Variants in DLGAP2 observed in about 807,000 individuals in gnomAD.
DLGAP2 encodes the protein DLG associated protein 2, also known as disks large-associated protein 2.
A neutral mutation model predicts 100.3 loss-of-function variants in DLGAP2; 26 were observed. The ratio of observed to expected loss-of-function variants is 0.26; its 90% CI spans 0.19 to 0.36. DLGAP2 has a LOEUF of 0.36. DLGAP2 is among the 10% of genes least tolerant of loss of function. The pLI, the probability that DLGAP2 is intolerant of heterozygous loss-of-function variation, is 1.00. For missense variants in DLGAP2, 1,858 were observed against 1,453.2 expected, an observed-to-expected ratio of 1.28 and a Z score of -4.53; for synonymous variants, 886 against 630.1, an observed-to-expected ratio of 1.41 and a Z score of -6.08.
intron 1 of DLGAP2, among the ~76,000 whole-genome samples, chr8:886,341 T>C (rs1797921629): frequency 6.6e-6 from 1 of 152,330 alleles, no homozygotes; most frequent in South Asian, 2.1e-4. Flanking sequence ...ATTTGTTGAT[T>C]TTTTTCGGAC....
chr8:1,551,685 C>G (rs1168573555), intron 5 of DLGAP2, among the ~76,000 whole-genome samples: 3 of 152,078 alleles, frequency 2.0e-5, no homozygotes, highest in African/African-American at 7.2e-5. Flanking sequence ...TGACCTCATT[C>G]CATCTGCACT....
chr8:1,517,002 C>T (rs1052269860), intron 4 of DLGAP2, among the ~76,000 whole-genome samples: 1 of 152,136 alleles, frequency 6.6e-6, no homozygotes, highest in Non-Finnish European at 1.5e-5. Flanking sequence ...CCAACAGCCC[C>T]AGGGTGCAGA....
At chr8:1,545,368 GC>G (rs1801498552) in intron 4 of DLGAP2, among the ~76,000 whole-genome samples, 2 of 152,100 alleles carry the variant, frequency 1.3e-5, no homozygotes, top group Admixed American at 1.3e-4. Flanking sequence ...TAGGCCGGCC[GC>G]CCCATAAGTG....
intron 5 of DLGAP2, among the ~76,000 whole-genome samples, chr8:1,563,714 A>G (rs910858924): frequency 1.3e-5 from 2 of 152,044 alleles, no homozygotes; most frequent in Admixed American, 6.5e-5. Context: ...CTGGGCTGCA[A>G]TGTGGAAGAT....
chr8:781,911 A>C (rs1178803150), intron 1 of DLGAP2, among the ~76,000 whole-genome samples: 1 of 152,196 alleles, frequency 6.6e-6, no homozygotes, highest in East Asian at 1.9e-4. Context: ...GGATAATACC[A>C]CTGCTATTCA....
At position 1,548,619 on chromosome 8, in the gene DLGAP2, C is replaced by G. The variant is rs777366874; in HGVS notation, c.173-7C>G. On this transcript the variant is annotated splice_polypyrimidine_tract_variant and splice_region_variant and intron_variant, in intron 4 of 14. Transcript: ENST00000637795. ...GGGTGTTCAATGCCGTTTCTGTTTC[C>G]CCACAGACCCGCAGTACTCATGGTC... 1.3e-6 allele frequency: 2 copies of G among 1,494,098 alleles called. No individual in the cohort carries two copies. The allele number at this position is 1,494,098 out of a possible 1,614,324, so 92.6% of individuals were successfully genotyped here.
intron 1 of DLGAP2, among the ~76,000 whole-genome samples, chr8:849,804 A>G (rs1195429357): frequency 6.6e-6 from 1 of 152,176 alleles, no homozygotes; most frequent in Admixed American, 6.5e-5. Flanking sequence ...TTGCCCGGGC[A>G]CGGTGGCTCA....
chr8:989,953 T>G (rs538895398), intron 2 of DLGAP2, among the ~76,000 whole-genome samples: 1 of 152,206 alleles, frequency 6.6e-6, no homozygotes, highest in South Asian at 2.1e-4. Context: ...TGTTGGGTGT[T>G]GGGTTCGATG....
At chr8:1,183,552 C>A (rs1253165871) in intron 2 of DLGAP2, among the ~76,000 whole-genome samples, 2 of 152,180 alleles carry the variant, frequency 1.3e-5, no homozygotes, top group South Asian at 4.1e-4. Context: ...TATGAGGTAG[C>A]TGCTGTTAGT....
intron 2 of DLGAP2, among the ~76,000 whole-genome samples, chr8:1,172,244 T>G (rs890543371): frequency 3.3e-5 from 5 of 152,308 alleles, no homozygotes; most frequent in African/African-American, 9.6e-5. Flanking sequence ...AGTTTCTGCC[T>G]AGAGATCAGC....
chr8:970,068 C>G (rs188922187), intron 2 of DLGAP2, among the ~76,000 whole-genome samples: 13 of 152,218 alleles, frequency 8.5e-5, no homozygotes, highest in African/African-American at 2.9e-4. Flanking sequence ...TGACATATAT[C>G]TTCATTTTTT....
intron 3 of DLGAP2, among the ~76,000 whole-genome samples, chr8:1,324,834 C>T (rs1800983996): frequency 6.6e-6 from 1 of 152,150 alleles, no homozygotes; most frequent in Non-Finnish European, 1.5e-5. Context: ...CTTGGCAGTC[C>T]CGTGAAATAC....
intron 1 of DLGAP2, among the ~76,000 whole-genome samples, chr8:778,869 C>T (rs536579596): frequency 9.2e-5 from 14 of 152,356 alleles, no homozygotes; most frequent in African/African-American, 2.9e-4. Context: ...TGGGCTCCAC[C>T]CAGTTCGAGC....
At chr8:1,338,760 A>G (rs913672445) in intron 3 of DLGAP2, among the ~76,000 whole-genome samples, 4 of 152,174 alleles carry the variant, frequency 2.6e-5, no homozygotes, top group Admixed American at 6.6e-5. Context: ...TGAGGTACGC[A>G]CCCTGTGGAG....
chr8:1,038,821 C>T (rs1165709937), intron 2 of DLGAP2, among the ~76,000 whole-genome samples: 1 of 152,142 alleles, frequency 6.6e-6, no homozygotes, highest in Non-Finnish European at 1.5e-5. Context: ...ATGGAAACAT[C>T]CATGTTTTTT....
At chr8:1,007,102 G>A (rs901063043) in intron 2 of DLGAP2, among the ~76,000 whole-genome samples, 4 of 151,836 alleles carry the variant, frequency 2.6e-5, no homozygotes, top group African/African-American at 9.7e-5. Context: ...ATCATGTCGG[G>A]GACGCCGTGT....
At chr8:1,138,100 A>G (rs1796455293) in intron 2 of DLGAP2, among the ~76,000 whole-genome samples, 1 of 152,106 alleles carries the variant, frequency 6.6e-6, no homozygotes, top group Non-Finnish European at 1.5e-5. Context: ...GCAGCTCTTA[A>G]TCCCTTGATG....
At chr8:741,469 T>C (rs1300173224) in intron 1 of DLGAP2, among the ~76,000 whole-genome samples, 1 of 152,196 alleles carries the variant, frequency 6.6e-6, no homozygotes, top group East Asian at 1.9e-4. Flanking sequence ...TGCAGTCCCT[T>C]AACTTTAGCT....
chr8:1,471,960 C>G lies in DLGAP2; in HGVS notation c.107-29406C>G, dbSNP rs143530288. ...CCCAGTACAACATCATTAAATCGTTCTTTAATCCTTCATTAAATAAACTTG... is the reference window on the plus strand; with the variant it reads ...CCCAGTACAACATCATTAAATCGTTGTTTAATCCTTCATTAAATAAACTTG... On this transcript the variant is annotated intron_variant, in intron 3 of 14. Transcript: ENST00000637795. Among the ~76,000 whole-genome samples the G allele has an allele frequency of 2.4e-4, 36 of 152,354 alleles. 1 individual carries two copies. The highest frequency in any genetic ancestry group is 8.7e-4 in the African/African-American group (36 of 41,580).
Sources: gnomAD v4.1 joint callset for allele counts (sites outside exome capture counted in the v4.1 genomes callset) on GRCh38, gnomAD v4.1.1 for gene constraint, MANE v1.5 for transcripts, NCBI Gene and HGNC (gene_info 2026-07-23, HGNC 2026-07-21) for gene names.